The following RBFOX1 variants were observed in gnomAD, a reference collection of about 807,000 sequenced individuals.
The protein encoded by RBFOX1 is RNA binding protein fox-1 homolog 1.
In RBFOX1, 8 loss-of-function variants were observed where a neutral mutation model predicts 57.7. That is an observed-to-expected ratio of 0.14 (90% CI 0.08 to 0.25). RBFOX1 has a LOEUF of 0.25. Ranked by LOEUF, RBFOX1 falls within the 10% of genes least tolerant of loss-of-function variation. The pLI is 1.00. For missense variants in RBFOX1, 611 were observed against 548.5 expected (o/e 1.11, Z -1.14); for synonymous variants, 326 against 222.4 (o/e 1.47, Z -4.15).
At chr16:6,971,588 C>T (rs1302787286) in intron 3 of RBFOX1, among the ~76,000 whole-genome samples, 2 of 151,828 alleles carry the variant, frequency 1.3e-5, no homozygotes, top group Non-Finnish European at 2.9e-5. Context: ...AAAAGATCAC[C>T]AGCTGTTACA....
intron 2 of RBFOX1, among the ~76,000 whole-genome samples, chr16:6,616,957 G>A (rs1043556333): frequency 3.3e-5 from 5 of 152,174 alleles, no homozygotes; most frequent in African/African-American, 9.7e-5. Context: ...TGCCACGACA[G>A]CAGAGTTTTG....
At chr16:6,504,266 A>G (rs760597581) in intron 2 of RBFOX1, among the ~76,000 whole-genome samples, 1 of 152,090 alleles carries the variant, frequency 6.6e-6, no homozygotes, top group Non-Finnish European at 1.5e-5. Flanking sequence ...TCCACAGTCC[A>G]CCTGTTGGGA....
intron 1 of RBFOX1, among the ~76,000 whole-genome samples, chr16:5,262,063 A>C (rs577548540): frequency 1.3e-4 from 20 of 152,356 alleles, no homozygotes; most frequent in Non-Finnish European, 1.8e-4. Flanking sequence ...TAAAAGAAAC[A>C]CACAACGTAT....
intron 3 of RBFOX1, among the ~76,000 whole-genome samples, chr16:7,014,384 T>TA (rs979028483): frequency 1.3e-5 from 2 of 151,736 alleles, no homozygotes; most frequent in African/African-American, 2.4e-5. Context: ...GGCTTTTTTT[T>TA]ATTTTTATTT....
intron 3 of RBFOX1, among the ~76,000 whole-genome samples, chr16:6,814,397 G>A (rs575228758): frequency 3.9e-5 from 6 of 152,174 alleles, no homozygotes; most frequent in Admixed American, 1.3e-4. Context: ...CCATTCTTAC[G>A]GTAAATAATC....
intron 1 of RBFOX1, among the ~76,000 whole-genome samples, chr16:6,039,687 T>C (rs2095415186): frequency 6.6e-6 from 1 of 152,240 alleles, no homozygotes; most frequent in South Asian, 2.1e-4. Flanking sequence ...TCACCTCTAA[T>C]AAAGGTTTAA....
chr16:6,224,017 T>C (rs1351146649), intron 1 of RBFOX1, among the ~76,000 whole-genome samples: 2 of 152,110 alleles, frequency 1.3e-5, no homozygotes, highest in Non-Finnish European at 1.5e-5. Context: ...GTTGTAGATA[T>C]GCGGCGTTAT....
intron 2 of RBFOX1, among the ~76,000 whole-genome samples, chr16:6,605,653 A>C (rs1300824206): frequency 6.6e-6 from 1 of 152,212 alleles, no homozygotes; most frequent in African/African-American, 2.4e-5. Flanking sequence ...TCATTGTTCC[A>C]GAAATATTTA....
At chr16:6,942,296 T>G (rs965294949) in intron 3 of RBFOX1, among the ~76,000 whole-genome samples, 2 of 152,074 alleles carry the variant, frequency 1.3e-5, no homozygotes, top group African/African-American at 4.8e-5. Flanking sequence ...AAAAAACAAG[T>G]TGCTGAGACC....
intron 14 of RBFOX1, among the ~76,000 whole-genome samples, chr16:7,702,121 A>T (rs2148203855): frequency 6.6e-6 from 1 of 152,314 alleles, no homozygotes; most frequent in African/African-American, 2.4e-5. Context: ...TCTCAAATGG[A>T]TGCGCACTGG....
chr16:6,549,147 A>AGG (rs1567641236), intron 2 of RBFOX1, among the ~76,000 whole-genome samples: 2 of 11,342 alleles, frequency 1.8e-4, no homozygotes, highest in South Asian at 7.7e-3. Flanking sequence ...AGGAGGAGGG[A>AGG]AGGAGGAGGG....
At chr16:7,070,411 C>A (rs911918534) in intron 4 of RBFOX1, among the ~76,000 whole-genome samples, 2 of 152,148 alleles carry the variant, frequency 1.3e-5, no homozygotes, top group Admixed American at 1.3e-4. Flanking sequence ...TATGCATATA[C>A]CGAGTATTCT....
At chr16:7,441,811 T>G (rs1044807746) in intron 4 of RBFOX1, among the ~76,000 whole-genome samples, 1 of 152,116 alleles carries the variant, frequency 6.6e-6, no homozygotes, top group African/African-American at 2.4e-5. Flanking sequence ...ACCCTCTTAC[T>G]CAGGACTCAC....
intron 3 of RBFOX1, among the ~76,000 whole-genome samples, chr16:6,907,221 T>A (rs1480846692): frequency 6.6e-6 from 1 of 152,116 alleles, no homozygotes; most frequent in African/African-American, 2.4e-5. Context: ...TGTTGTTAAA[T>A]ATCCTACAGT....
intron 14 of RBFOX1, among the ~76,000 whole-genome samples, chr16:7,700,143 T>C (rs2148069987): frequency 6.6e-6 from 1 of 152,212 alleles, no homozygotes; most frequent in East Asian, 1.9e-4. Context: ...CTTTGGATCA[T>C]CAATCCAATT....
chr16:7,376,534 A>G (rs530645761), intron 4 of RBFOX1, among the ~76,000 whole-genome samples: 1 of 152,274 alleles, frequency 6.6e-6, no homozygotes, highest in South Asian at 2.1e-4. Context: ...ATAAGTCCCT[A>G]AATTCAGATT....
chr16:7,342,591 T>G lies in RBFOX1; in HGVS notation c.28-175556T>G, dbSNP rs560721332. The stretch of plus-strand genomic sequence containing the variant: ...CTCTAGGTTGGGAAAGGAGAATGTT[T>G]ACACTTCTCTGCTCCCATTCTTGGT... On this transcript the variant is annotated intron_variant, in intron 4 of 15. Transcript: ENST00000550418. Among the ~76,000 whole-genome samples, 19 of 152,334 alleles carry G rather than the reference T, an allele frequency of 1.2e-4. No individual in the cohort carries two copies. In the South Asian group the frequency reaches 3.9e-3, roughly 32 times the overall value.
chr16:6,817,754 G>T lies in RBFOX1; in HGVS notation c.-16+163104G>T, dbSNP rs186099221. Among the ~76,000 whole-genome samples, 10 of 152,084 alleles carry T rather than the reference G, an allele frequency of 6.6e-5. No individual in the cohort carries two copies. The South Asian group carries it at 1.2e-3, about 19-fold the overall frequency. On this transcript the variant is annotated intron_variant, in intron 3 of 15. Transcript: ENST00000550418. ...ACTACCAACAGTCTACATGAAGGTT[G>T]TGTGTGTTAAGTACATCTGTTAAAC...
At chr16:5,916,105 C>G (rs1304668992) in intron 4 of RBFOX1, among the ~76,000 whole-genome samples, 1 of 152,084 alleles carries the variant, frequency 6.6e-6, no homozygotes, top group African/African-American at 2.4e-5. Flanking sequence ...AGCCGTATCT[C>G]AAGTGCAAAT....
Sources: allele counts gnomAD v4.1 joint callset (sites outside exome capture counted in the v4.1 genomes callset), GRCh38; gene constraint gnomAD v4.1.1; transcripts MANE v1.5; gene names NCBI Gene and HGNC (gene_info 2026-07-23, HGNC 2026-07-21).